Variants in PRPF40B observed in about 807,000 individuals in gnomAD.
The protein encoded by PRPF40B is pre-mRNA processing factor 40B, also known as pre-mRNA-processing factor 40 homolog B.
Under a neutral mutation model 124.5 loss-of-function variants are expected in PRPF40B, and 56 were observed. The observed-to-expected ratio is 0.45, with a 90% CI of 0.36 to 0.56. PRPF40B has a LOEUF of 0.56. Among genes scored for constraint, PRPF40B ranks in the 20% least tolerant of loss-of-function variants. The pLI is 0.00. For synonymous variants in PRPF40B, 443 were observed against 426.4 expected, an observed-to-expected ratio of 1.04 and a Z score of -0.48; for missense variants, 1,053 against 1,169.5, an observed-to-expected ratio of 0.90 and a Z score of 1.45.
Position 49,635,132 on chromosome 12 carries a change from A to G in PRPF40B, c.1035A>G (p.Ala345=). 4 of 1,613,812 alleles carry G rather than the reference A, an allele frequency of 2.5e-6. No individual in the cohort carries two copies. Among genetic ancestry groups the G allele is most frequent in the Non-Finnish European group, 3.4e-6 (4 of 1,179,986 alleles). The part of the protein sequence containing the change: ...ALPKLSEKKQ[A]FNAYKAQREK... ...CTAAACTGAGTGAGAAAAAGCAGGC[A>G]TTCAATGCCTACAAGGCGCAGCGGG... Residue 345 remains alanine (A), a synonymous_variant, in exon 13 of 26, where the codon GCA becomes GCG. Transcript: ENST00000548825. The surrounding 1 kb of genome is among the most constrained non-coding windows in gnomAD (Gnocchi z 4.1).
In PRPF40B at chr12:49,633,325, T is replaced by C. The variant is rs1941423646; in HGVS notation, c.460-102T>C. The C allele has an allele frequency of 2.0e-6, 3 of 1,509,488 alleles. No homozygotes were observed. In the South Asian group the frequency reaches 3.8e-5, roughly 19 times the overall value. The allele number at this position is 1,509,488 out of a possible 1,614,324, so 93.5% of individuals were successfully genotyped here. ...AGTTTGAACCAGGCCAGGTGGTAGC[T>C]AAAGGTTCCTGTGTCCTCTACTCAC... On this transcript the variant is annotated intron_variant, in intron 7 of 25. Coordinates refer to ENST00000548825, the MANE Select transcript of PRPF40B (RefSeq NM_001031698.3).
At position 49,642,352 on chromosome 12, in the gene PRPF40B, C is replaced by T; in HGVS notation, c.2002C>T (p.Leu668=). The T allele has an allele frequency of 1.2e-6, 2 of 1,613,922 alleles. No individual in the cohort carries two copies. The highest frequency in any genetic ancestry group is 1.7e-6 in the Non-Finnish European group (2 of 1,180,026). The stretch of plus-strand genomic sequence containing the variant: ...GAGGCAGGCTGTGCCTGCTCTGGAG[C>T]TAGGCACTGCCTGGGAAGAGGTCAG... ...MLRQAVPALE[L]GTAWEEVRER... is the part of the protein sequence containing the mutation. The change falls in exon 20 of 26, where the codon CTA becomes TTA. Residue 668 remains leucine, a synonymous_variant. Coordinates refer to ENST00000548825, the MANE Select transcript of PRPF40B (RefSeq NM_001031698.3). The surrounding 1 kb of genome is among the most constrained non-coding windows in gnomAD (Gnocchi z 5.8).
chr12:49,636,766 T>C lies in PRPF40B; in HGVS notation c.1477T>C (p.Leu493=). 4.3e-6 allele frequency: 7 copies of C among 1,614,112 alleles called. No homozygotes were observed. The highest frequency in any genetic ancestry group is 4.5e-5 in the East Asian group (2 of 44,880). The part of the protein sequence containing the change: ...LICFEEHIRA[L]EREEEEERER... ...CTGTTTTGAGGAGCACATCCGAGCTTTGGAGAGGGAAGAGGAGGAGGAACG... is the reference window on the plus strand; with the variant it reads ...CTGTTTTGAGGAGCACATCCGAGCTCTGGAGAGGGAAGAGGAGGAGGAACG... Residue 493 remains leucine (L), a synonymous_variant, in exon 16 of 26, where the codon TTG becomes CTG. Transcript: ENST00000548825.
chr12:49,623,327 CA>C (rs1804739690), upstream of PRPF40B: 1 of 178,500 alleles, frequency 5.6e-6, no homozygotes, highest in African/African-American at 2.4e-5. Context: ...GAGGCGGGAG[CA>C]GGCGTGCCCC....
Position 49,635,446 on chromosome 12 carries a change from C to T in PRPF40B, c.1248C>T (p.Val416=). ...ERDRKEVYDD[V]LFFLAKKEKE... is the part of the protein sequence containing the mutation. ...ATCGAAAAGAGGTTTATGATGATGT[C>T]CTCTTCTTCCTGGCCAAGAAGGAGA... Residue 416 remains valine, a synonymous_variant, in exon 14 of 26, where the codon GTC becomes GTT. Coordinates refer to ENST00000548825, the MANE Select transcript of PRPF40B (RefSeq NM_001031698.3). This position sits in a 1 kb window ranked among gnomAD's most constrained non-coding sequence, Gnocchi z 4.1. The T allele has an allele frequency of 1.9e-6, 3 of 1,613,836 alleles. No individual in the cohort carries two copies. The highest frequency in any genetic ancestry group is 2.5e-6 in the Non-Finnish European group (3 of 1,179,924).
chr12:49,635,696 T>A lies in PRPF40B; in HGVS notation c.1276-147T>A. 1.0e-6 allele frequency: 1 copy of A among 989,676 alleles called. No homozygotes were observed. The highest frequency in any genetic ancestry group is 1.6e-5 in the South Asian group (1 of 63,098). The allele number at this position is 989,676 out of a possible 1,614,324, so 61.3% of individuals were successfully genotyped here. A position where few individuals can be genotyped will look rare whatever the true frequency, so the allele number is the denominator to read the frequency against. ...TGAGAGATGGGTCTGTAACCTGTAC[T>A]CCCTCCCCTTCCCTGAGACATGAAA... On this transcript the variant is annotated intron_variant, in intron 14 of 25. Transcript: ENST00000548825. This position sits in a 1 kb window ranked among gnomAD's most constrained non-coding sequence, Gnocchi z 4.1.
chr12:49,624,845 C>CAAA (rs74552039), intron 1 of PRPF40B, among the ~76,000 whole-genome samples: 1 of 88,768 alleles, frequency 1.1e-5, no homozygotes, highest in African/African-American at 4.0e-5. Context: ...AGCTCTGTCT[C>CAAA]AAAAAAAAAA....
rs377670850 is a variant in PRPF40B, at chr12:49,637,608, C to T, written c.1675+24C>T. 2.1e-5 allele frequency: 33 copies of T among 1,604,042 alleles called. No individual in the cohort carries two copies. The African/African-American group carries it at 4.3e-4, about 21-fold the overall frequency. The stretch of plus-strand genomic sequence containing the variant: ...GGGTAAGGCAGCCAGGCTCCCCCTT[C>T]TCTGGCCTGGCTTCCTGCCCTGCCA... On this transcript the variant is annotated intron_variant, in intron 17 of 25. Coordinates refer to ENST00000548825, the MANE Select transcript of PRPF40B (RefSeq NM_001031698.3).
At position 49,634,365 on chromosome 12, in the gene PRPF40B, G is replaced by A; in HGVS notation, c.846G>A (p.Glu282=). The change falls in exon 11 of 26, where the codon GAG becomes GAA. Residue 282 remains glutamate (E), a synonymous_variant. Coordinates refer to ENST00000548825, the MANE Select transcript of PRPF40B (RefSeq NM_001031698.3). ...AGCATCAGCCACAGCAGGAGGAGGAGGAATCAAAGCCAGAACCAGAGAGGT... is the reference window on the plus strand; with the variant it reads ...AGCATCAGCCACAGCAGGAGGAGGAAGAATCAAAGCCAGAACCAGAGAGGT... The part of the protein sequence containing the change: ...SGQHQPQQEE[E]ESKPEPERSG... The A allele has an allele frequency of 3.7e-6, 6 of 1,614,262 alleles. No homozygotes were observed. Among genetic ancestry groups the A allele is most frequent in the Non-Finnish European group, 5.1e-6 (6 of 1,180,044 alleles).
In PRPF40B at chr12:49,632,996, G is replaced by GCCCAC; in HGVS notation, c.349-15_349-14insACCCC. The GCCCAC allele has an allele frequency of 8.7e-7, 1 of 1,147,398 alleles. No individual in the cohort carries two copies. Among genetic ancestry groups the GCCCAC allele is most frequent in the Non-Finnish European group, 1.2e-6 (1 of 823,012 alleles). The allele number at this position is 1,147,398 out of a possible 1,614,324, so 71.1% of individuals were successfully genotyped here. A position where few individuals can be genotyped will look rare whatever the true frequency, so the allele number is the denominator to read the frequency against. On this transcript the variant is annotated splice_polypyrimidine_tract_variant and intron_variant, in intron 6 of 25. Transcript: ENST00000548825. ...AAAGGGGCCTTGACCACCATTCTGT[G>GCCCAC]CCCCCCCCCCCACCCAGAGGGCCCT...
At position 49,633,940 on chromosome 12, in the gene PRPF40B, G is replaced by C; in HGVS notation, c.660G>C (p.Gln220His). 6.2e-7 allele frequency: 1 copy of C among 1,614,232 alleles called. No homozygotes were observed. Among genetic ancestry groups the C allele is most frequent in the Non-Finnish European group, 8.5e-7 (1 of 1,180,036 alleles). ...QTLQPQPPQP[Q>H]PDPPPVPPGP... is the part of the protein sequence containing the mutation. ...TTCAGCCACAGCCACCTCAGCCACA[G>C]CCTGACCCCCCACCTGTGCCTCCTG... Residue 220 changes from glutamine (Q) to histidine (H), a missense_variant, in exon 10 of 26, where the codon CAG (glutamine) becomes CAC (histidine). Around this residue, in one of 2 missense-constraint regions of PRPF40B, gnomAD observed 895 missense variants for 1,052.2 expected, o/e 0.85. Coordinates refer to ENST00000548825, the MANE Select transcript of PRPF40B (RefSeq NM_001031698.3).
chr12:49,641,627 G>C lies in PRPF40B; in HGVS notation c.1768-281G>C, dbSNP rs147401831. The stretch of plus-strand genomic sequence containing the variant: ...GCTGGGGCCAGAGCTTTAAGCCAAA[G>C]GAACAAAAGTTAATTTTGAGAAACT... On this transcript the variant is annotated intron_variant, in intron 18 of 25. Coordinates refer to ENST00000548825, the MANE Select transcript of PRPF40B (RefSeq NM_001031698.3). 638 of 423,116 alleles carry C rather than the reference G, an allele frequency of 1.5e-3. 8 individuals are homozygous for C. The highest frequency in any genetic ancestry group is 0.011 in the African/African-American group (540 of 50,348). The allele number at this position is 423,116 out of a possible 1,614,324, so 26.2% of individuals were successfully genotyped here.
intron 1 of PRPF40B, among the ~76,000 whole-genome samples, chr12:49,626,600 AGAG>A (rs1461633456): frequency 1.3e-5 from 2 of 152,286 alleles, no homozygotes; most frequent in East Asian, 1.9e-4. Flanking sequence ...CTGTGCAAAG[AGAG>A]GAGGAGGGAA....
intron 1 of PRPF40B, among the ~76,000 whole-genome samples, chr12:49,627,232 C>G (rs1000188901): frequency 5.9e-5 from 9 of 152,124 alleles, no homozygotes; most frequent in Admixed American, 4.6e-4. Context: ...TTTGTCAAGT[C>G]AGGATGCATC....
rs1942878769 is a variant in PRPF40B, at chr12:49,643,021, G to T, written c.2205+5G>T. On this transcript the variant is annotated splice_donor_5th_base_variant and intron_variant, in intron 22 of 25. Transcript: ENST00000548825. ...AAGCGTTCCCACTCACCCTCAGTGA[G>T]TAAGCGTGTAGAAGGGACATGGGGT... 3 of 1,613,282 alleles carry T rather than the reference G, an allele frequency of 1.9e-6. No individual in the cohort carries two copies. Among genetic ancestry groups the T allele is most frequent in the Non-Finnish European group, 2.5e-6 (3 of 1,179,578 alleles).
rs1941234831 is a variant in PRPF40B at position 49,631,609 on chromosome 12, G to C, written c.228+65G>C. ...TCAGTTTAGCTGGGGGTGGAGATAA[G>C]AGCGGGCATGTAGGCCTCAGAAACT... On this transcript the variant is annotated intron_variant, in intron 3 of 25. Transcript: ENST00000548825. This position sits in a 1 kb window ranked among gnomAD's most constrained non-coding sequence, Gnocchi z 4.3. The C allele has an allele frequency of 2.0e-6, 3 of 1,509,072 alleles. No homozygotes were observed. Among genetic ancestry groups the C allele is most frequent in the South Asian group, 2.6e-5 (2 of 75,992 alleles). The allele number at this position is 1,509,072 out of a possible 1,614,324, so 93.5% of individuals were successfully genotyped here. A position where few individuals can be genotyped will look rare whatever the true frequency, so the allele number is the denominator to read the frequency against.
chr12:49,640,706 C>G, intron 18 of PRPF40B: 1 of 152,208 alleles, frequency 6.6e-6, no homozygotes, highest in East Asian at 1.9e-4. Flanking sequence ...TAAATAACAT[C>G]TGTAAAGTGT....
rs1941835814 is a variant in PRPF40B at position 49,636,586 on chromosome 12, A to G, written c.1427-130A>G. On this transcript the variant is annotated intron_variant, in intron 15 of 25. Transcript: ENST00000548825. ...TGGCTGCTCCCACAGAGCCCCCTCC[A>G]GGCCCTTCCCCCACCACCCTGGGTA... is the stretch of plus-strand genomic sequence containing the variant. 35 of 1,271,482 alleles carry G rather than the reference A, an allele frequency of 2.8e-5. No homozygotes were observed. In the South Asian group the frequency reaches 4.6e-4, roughly 17 times the overall value. The allele number at this position is 1,271,482 out of a possible 1,614,324, so 78.8% of individuals were successfully genotyped here. A position where few individuals can be genotyped will look rare whatever the true frequency, so the allele number is the denominator to read the frequency against.
chr12:49,634,968 G>A, intron 12 of PRPF40B, 131 bp from the exon 13 acceptor site: 2 of 956,834 alleles, frequency 2.1e-6, no homozygotes, highest in Non-Finnish European at 3.1e-6. Flanking sequence ...CATGAATGGT[G>A]TTCAGATCCC....
Sources: allele counts gnomAD v4.1 joint callset (sites outside exome capture counted in the v4.1 genomes callset), GRCh38; gene constraint gnomAD v4.1.1; regional missense constraint gnomAD v4.1.1; non-coding constraint Gnocchi (gnomAD v3.1); transcripts MANE v1.5; gene names NCBI Gene and HGNC (gene_info 2026-07-23, HGNC 2026-07-21).